The following PIK3CB variants were observed in gnomAD, a reference collection of about 807,000 sequenced individuals.
PIK3CB encodes phosphatidylinositol-4,5-bisphosphate 3-kinase catalytic subunit beta.
PIK3CB carries 39 observed loss-of-function variants against 136.8 expected under a neutral mutation model. That is an observed-to-expected ratio of 0.29 (90% CI 0.22 to 0.37). The LOEUF is 0.37. Among genes scored for constraint, PIK3CB ranks in the 10% least tolerant of loss-of-function variants. The pLI is 1.00. For missense variants in PIK3CB, 868 were observed against 1,275.4 expected (o/e 0.68, Z 4.87); for synonymous variants, 428 against 436.6 (o/e 0.98, Z 0.25).
In PIK3CB at chr3:138,717,871, T is replaced by C. The variant is rs530000090; in HGVS notation, c.1051-3152A>G. Among the ~76,000 whole-genome samples the C allele has an allele frequency of 5.3e-5, 8 of 152,330 alleles. No homozygotes were observed. The South Asian group carries it at 1.7e-3, about 32-fold the overall frequency. On this transcript the variant is annotated intron_variant, in intron 8 of 23. Coordinates refer to ENST00000674063, the MANE Select transcript of PIK3CB (RefSeq NM_006219.3). ...GTTCCCTAAAGACATGATCTCATTCTTTTTTATGGCTGCACAGTACTCCAT... is the reference window on the plus strand; with the variant it reads ...GTTCCCTAAAGACATGATCTCATTCCTTTTTATGGCTGCACAGTACTCCAT...
chr3:138,694,980 G>A (rs2044104924), intron 13 of PIK3CB, 73 bp from the exon 14 acceptor site: 2 of 1,428,658 alleles, frequency 1.4e-6, no homozygotes, highest in Non-Finnish European at 1.9e-6. Flanking sequence ...ACACACAGGA[G>A]CACCAAGATA....
intron 21 of PIK3CB, among the ~76,000 whole-genome samples, chr3:138,660,371 A>G (rs1268742258): frequency 1.3e-5 from 2 of 152,208 alleles, no homozygotes; most frequent in Non-Finnish European, 2.9e-5. Flanking sequence ...GAATCCTATT[A>G]TTACTTTAAA....
intron 11 of PIK3CB, among the ~76,000 whole-genome samples, chr3:138,705,682 T>C (rs746705376): frequency 1.3e-5 from 2 of 152,220 alleles, no homozygotes; most frequent in African/African-American, 4.8e-5. Flanking sequence ...TAAAGTATAA[T>C]ATCAATCTTC....
At chr3:138,781,734 C>T (rs1305396773) in intron 2 of PIK3CB, among the ~76,000 whole-genome samples, 1 of 152,040 alleles carries the variant, frequency 6.6e-6, no homozygotes, top group African/African-American at 2.4e-5. Context: ...GGATTACAGG[C>T]GTGTGCCACC....
intron 15 of PIK3CB, among the ~76,000 whole-genome samples, chr3:138,689,443 G>A (rs1418562484): frequency 2.0e-5 from 3 of 152,074 alleles, no homozygotes; most frequent in Non-Finnish European, 2.9e-5. Flanking sequence ...ATAGGCATGC[G>A]CCACCATGCC....
intron 1 of PIK3CB, among the ~76,000 whole-genome samples, chr3:138,803,882 T>G (rs558658539): frequency 6.6e-6 from 1 of 152,176 alleles, no homozygotes; most frequent in Admixed American, 6.6e-5. Flanking sequence ...CAGAATGAAT[T>G]TGACATTCCA....
At chr3:138,826,157 T>C in intron 1 of PIK3CB, 1 of 1,055,920 alleles carries the variant, frequency 9.5e-7, no homozygotes, top group Non-Finnish European at 1.4e-6. Flanking sequence ...TTGATATGGT[T>C]CCTGACAAGC....
In PIK3CB at chr3:138,737,900, G is replaced by C. The variant is rs753362316; in HGVS notation, c.622-14C>G. 1.3e-6 allele frequency: 2 copies of C among 1,539,414 alleles called. No individual in the cohort carries two copies. Among genetic ancestry groups the C allele is most frequent in the South Asian group, 1.2e-5 (1 of 82,444 alleles). On this transcript the variant is annotated splice_polypyrimidine_tract_variant and intron_variant, in intron 5 of 23. Coordinates refer to ENST00000674063, the MANE Select transcript of PIK3CB (RefSeq NM_006219.3). ...GCTAAACACGTCCTGAAGGGGGAGG[G>C]AGATGGGGAAAAAAGCAGTAAATGT...
At chr3:138,693,936 AATATATATATAT>A (rs1179221176) in intron 14 of PIK3CB, among the ~76,000 whole-genome samples, 3 of 64,604 alleles carry the variant, frequency 4.6e-5, no homozygotes, top group Non-Finnish European at 6.1e-5. Context: ...ATTTGCTTAA[AATATATATATAT>A]ATATATATAT....
rs556003553 is a variant in PIK3CB at position 138,779,438 on chromosome 3, T to C, written c.-17+17025A>G. Among the ~76,000 whole-genome samples the C allele has an allele frequency of 7.9e-5, 11 of 138,702 alleles. No individual in the cohort carries two copies. The South Asian group carries it at 2.4e-3, about 30-fold the overall frequency. The allele number at this position is 138,702 out of a possible 152,430, so 91.0% of individuals were successfully genotyped here. A position where few individuals can be genotyped will look rare whatever the true frequency, so the allele number is the denominator to read the frequency against. On this transcript the variant is annotated intron_variant, in intron 2 of 23. Coordinates refer to ENST00000674063, the MANE Select transcript of PIK3CB (RefSeq NM_006219.3). ...CAGGCTGTCACTCTGTCACCCAGGA[T>C]GGAGTACAGTGGCACGATCTTGGCT...
In PIK3CB at chr3:138,799,388, C is replaced by A. The variant is rs562283132; in HGVS notation, c.-121-2821G>T. Among the ~76,000 whole-genome samples, 8 of 151,864 alleles carry A rather than the reference C, an allele frequency of 5.3e-5. No individual in the cohort carries two copies. The South Asian group carries it at 1.5e-3, about 28-fold the overall frequency. ...TAGAGATGGGGTTTCACCATATTGGCCAGGCTGGTCTTGAACTCCTGACCT... is the reference window on the plus strand; with the variant it reads ...TAGAGATGGGGTTTCACCATATTGGACAGGCTGGTCTTGAACTCCTGACCT... On this transcript the variant is annotated intron_variant, in intron 1 of 23. Coordinates refer to ENST00000674063, the MANE Select transcript of PIK3CB (RefSeq NM_006219.3).
At chr3:138,682,569 C>T (rs530259776) in intron 18 of PIK3CB, among the ~76,000 whole-genome samples, 1 of 152,136 alleles carries the variant, frequency 6.6e-6, no homozygotes, top group Non-Finnish European at 1.5e-5. Context: ...TACCACTATA[C>T]GGAGAGTTCT....
chr3:138,765,120 G>C (rs1471761825), intron 2 of PIK3CB, among the ~76,000 whole-genome samples: 30 of 152,170 alleles, frequency 2.0e-4, no homozygotes, highest in Admixed American at 1.9e-3. Flanking sequence ...AGGAGTTCGA[G>C]ACCAGCCTGG....
At chr3:138,684,423 T>G (rs1013430437) in intron 17 of PIK3CB, among the ~76,000 whole-genome samples, 29 of 152,240 alleles carry the variant, frequency 1.9e-4, no homozygotes, top group African/African-American at 7.0e-4. Flanking sequence ...TGTAATAACT[T>G]TCACTAAATC....
intron 16 of PIK3CB, among the ~76,000 whole-genome samples, chr3:138,686,618 T>C (rs2043899229): frequency 6.6e-6 from 1 of 152,124 alleles, no homozygotes. Context: ...ATGTTAAAAA[T>C]AGAATTAAAA....
intron 1 of PIK3CB, among the ~76,000 whole-genome samples, chr3:138,813,991 G>A (rs1576428430): frequency 6.6e-6 from 1 of 152,132 alleles, no homozygotes; most frequent in East Asian, 1.9e-4. Context: ...AGGGAAAGGA[G>A]CAGAAAGCTT....
chr3:138,788,443 G>C (rs1371637165), intron 2 of PIK3CB, among the ~76,000 whole-genome samples: 2 of 151,318 alleles, frequency 1.3e-5, no homozygotes, highest in Non-Finnish European at 2.9e-5. Flanking sequence ...GATCACCTGA[G>C]GTCAGGAGTT....
At chr3:138,666,125 T>C (rs1487354152) in intron 19 of PIK3CB, among the ~76,000 whole-genome samples, 1 of 152,218 alleles carries the variant, frequency 6.6e-6, no homozygotes, top group African/African-American at 2.4e-5. Context: ...TTGCTTTGAT[T>C]TGCACTTATT....
At chr3:138,738,234 C>T (rs2045156184) in intron 5 of PIK3CB, among the ~76,000 whole-genome samples, 1 of 151,924 alleles carries the variant, frequency 6.6e-6, no homozygotes, top group Admixed American at 6.6e-5. Flanking sequence ...CGCAATGGCT[C>T]GATCTTGGCT....
Sources: gnomAD v4.1 joint callset for allele counts (sites outside exome capture counted in the v4.1 genomes callset) on GRCh38, gnomAD v4.1.1 for gene constraint, MANE v1.5 for transcripts, NCBI Gene and HGNC (gene_info 2026-07-23, HGNC 2026-07-21) for gene names.